The following MSH4 variants were observed in gnomAD, a reference collection of about 807,000 sequenced individuals.
MSH4 encodes mutS protein homolog 4.
MSH4 carries 106 observed loss-of-function variants against 113.7 expected under a neutral mutation model. That is an observed-to-expected ratio of 0.93 (90% CI 0.80 to 1.10). The LOEUF (loss-of-function observed/expected upper bound fraction) is 1.10. Ranked by LOEUF, MSH4 falls within the 50% of genes least tolerant of loss-of-function variation. The pLI is 0.00. For missense variants in MSH4, 1,061 were observed against 1,093.7 expected (o/e 0.97, Z 0.42); for synonymous variants, 368 against 380.2 (o/e 0.97, Z 0.37).
chr1:75,857,672 G>C (rs1651350833), intron 8 of MSH4, among the ~76,000 whole-genome samples: 1 of 152,178 alleles, frequency 6.6e-6, no homozygotes, highest in Admixed American at 6.5e-5. Context: ...CCAGTACCAT[G>C]CTGTTTTGGT....
At chr1:75,848,694 G>T (rs1020267598) in intron 8 of MSH4, among the ~76,000 whole-genome samples, 1 of 152,056 alleles carries the variant, frequency 6.6e-6, no homozygotes, top group South Asian at 2.1e-4. Flanking sequence ...AGCTGTGTTC[G>T]CATCACTGCA....
intron 1 of MSH4, among the ~76,000 whole-genome samples, chr1:75,799,505 GAA>G (rs920656468): frequency 1.3e-4 from 20 of 152,154 alleles, no homozygotes; most frequent in Non-Finnish European, 1.5e-5. Context: ...ACAAAAGTGG[GAA>G]AAGACATTTC....
At chr1:75,867,673 T>G (rs1284823297) in intron 9 of MSH4, 85 bp downstream of exon 9, 1 of 842,768 alleles carries the variant, frequency 1.2e-6, no homozygotes, top group East Asian at 2.6e-5. Context: ...ACTCGGAAAA[T>G]TGCAAGAATA....
chr1:75,852,985 A>G (rs1651221287), intron 8 of MSH4, among the ~76,000 whole-genome samples: 1 of 152,172 alleles, frequency 6.6e-6, no homozygotes, highest in African/African-American at 2.4e-5. Flanking sequence ...TATGAAAATT[A>G]TTACGTTATA....
At chr1:75,882,774 T>C (rs1036939684) in intron 14 of MSH4, among the ~76,000 whole-genome samples, 8 of 151,752 alleles carry the variant, frequency 5.3e-5, no homozygotes, top group Non-Finnish European at 1.0e-4. Context: ...GCCCAGGAGT[T>C]TGAGGCTGCA....
intron 2 of MSH4, among the ~76,000 whole-genome samples, chr1:75,805,523 G>C (rs1376585354): frequency 6.6e-6 from 1 of 150,378 alleles, no homozygotes; most frequent in African/African-American, 2.4e-5. Context: ...GAGTAGCTGG[G>C]ATTACAGGCA....
chr1:75,862,987 C>T (rs1565719), intron 8 of MSH4, among the ~76,000 whole-genome samples: 146,640 of 152,248 alleles, frequency 0.96, 70,864 homozygotes, highest in East Asian at 1. Context: ...ATGTATTGCA[C>T]TAAGAATATT....
intron 8 of MSH4, among the ~76,000 whole-genome samples, chr1:75,863,401 C>T (rs138809695): frequency 1.3e-3 from 203 of 152,172 alleles, no homozygotes; most frequent in Middle Eastern, 6.8e-3. Flanking sequence ...AGGCACAAGA[C>T]GCTTGGGTCA....
chr1:75,843,674 G>A (rs1462798121), intron 7 of MSH4, among the ~76,000 whole-genome samples: 2 of 152,246 alleles, frequency 1.3e-5, no homozygotes, highest in Admixed American at 6.5e-5. Context: ...CCTCAAAACA[G>A]TTTTAACATA....
chr1:75,852,494 A>G (rs933594649), intron 8 of MSH4, among the ~76,000 whole-genome samples: 1 of 152,190 alleles, frequency 6.6e-6, no homozygotes, highest in African/African-American at 2.4e-5. Context: ...TTAGGTATCC[A>G]CCAGCAGTGT....
intron 8 of MSH4, among the ~76,000 whole-genome samples, chr1:75,866,049 CTG>C (rs1467299051): frequency 6.6e-6 from 1 of 152,182 alleles, no homozygotes; most frequent in East Asian, 1.9e-4. Flanking sequence ...CCATTGGACT[CTG>C]TTTTTACGTC....
At chr1:75,804,143 A>G (rs962504290) in intron 2 of MSH4, among the ~76,000 whole-genome samples, 1 of 152,178 alleles carries the variant, frequency 6.6e-6, no homozygotes, top group African/African-American at 2.4e-5. Flanking sequence ...CCATTCTGAC[A>G]AAAAAACACA....
intron 19 of MSH4, among the ~76,000 whole-genome samples, chr1:75,907,705 T>C (rs1261992239): frequency 1.0e-4 from 14 of 134,046 alleles, no homozygotes; most frequent in South Asian, 2.3e-4. Context: ...TATATATATA[T>C]ATATATATAT....
rs762617269 is a variant in MSH4, at chr1:75,881,246, G to T, written c.1782G>T (p.Met594Ile). Reference protein sequence around the residue: ...SLREIYHMTYMIVCKLLSEIY... With the variant: ...SLREIYHMTYIIVCKLLSEIY... ...CATGTCTTACCAAACGTGTTTTCAG[G>T]ATAGTGTGCAAACTGCTTAGTGAGA... The change falls in exon 14 of 20, where the codon ATG becomes ATT. Residue 594 changes from methionine to isoleucine, a missense_variant and splice_region_variant. By Grantham distance (10) the Met-to-Ile change is conservative. Coordinates refer to ENST00000263187, the MANE Select transcript of MSH4 (RefSeq NM_002440.4). 1.3e-5 allele frequency: 20 copies of T among 1,595,332 alleles called. 1 individual carries two copies. Among genetic ancestry groups the T allele is most frequent in the Non-Finnish European group, 1.5e-5 (18 of 1,167,086 alleles).
intron 7 of MSH4, among the ~76,000 whole-genome samples, chr1:75,831,038 G>C (rs920019224): frequency 1.3e-5 from 2 of 152,174 alleles, no homozygotes; most frequent in African/African-American, 4.8e-5. Context: ...CTGTATTCAG[G>C]AGACCCATCT....
intron 8 of MSH4, among the ~76,000 whole-genome samples, chr1:75,856,784 A>G (rs1651328378): frequency 6.6e-6 from 1 of 152,140 alleles, no homozygotes. Context: ...ATGATTTATA[A>G]TCTTTTGGGT....
At chr1:75,854,721 T>G (rs2100551153) in intron 8 of MSH4, among the ~76,000 whole-genome samples, 1 of 152,306 alleles carries the variant, frequency 6.6e-6, no homozygotes, top group South Asian at 2.1e-4. Context: ...CTTCACTTTA[T>G]TTTTGAATAT....
chr1:75,902,461 T>TTTTCTA, intron 19 of MSH4, among the ~76,000 whole-genome samples: 1 of 151,650 alleles, frequency 6.6e-6, no homozygotes, highest in South Asian at 2.1e-4. Flanking sequence ...CAGTATTTGG[T>TTTTCTA]TTTCTATTTC....
intron 6 of MSH4, among the ~76,000 whole-genome samples, chr1:75,819,362 C>T (rs560261402): frequency 3.6e-4 from 55 of 152,240 alleles, no homozygotes; most frequent in African/African-American, 1.3e-3. Context: ...CATAGTGGCA[C>T]ACCTGTAATC....
Sources: allele counts gnomAD v4.1 joint callset (sites outside exome capture counted in the v4.1 genomes callset), GRCh38; gene constraint gnomAD v4.1.1; transcripts MANE v1.5; gene names NCBI Gene and HGNC (gene_info 2026-07-23, HGNC 2026-07-21).